The following PTPRJ variants were observed in gnomAD, a reference collection of about 807,000 sequenced individuals.
PTPRJ encodes receptor-type tyrosine-protein phosphatase eta.
A neutral mutation model predicts 141.3 loss-of-function variants in PTPRJ; 129 were observed. The observed-to-expected ratio is 0.91, with a 90% confidence interval of 0.79 to 1.06. PTPRJ has a LOEUF of 1.06. Among genes scored for constraint, PTPRJ ranks in the 50% least tolerant of loss-of-function variants. The pLI is 0.00. For missense variants in PTPRJ, 1,601 were observed against 1,679.7 expected (o/e 0.95, Z 0.82); for synonymous variants, 610 against 640.5 (o/e 0.95, Z 0.72).
At chr11:48,074,440 T>C (rs887431076) in intron 1 of PTPRJ, among the ~76,000 whole-genome samples, 1 of 152,182 alleles carries the variant, frequency 6.6e-6, no homozygotes, top group African/African-American at 2.4e-5. Context: ...AGACCCAAAT[T>C]AATAGACAGT....
At chr11:48,075,815 T>G (rs7110054) in intron 1 of PTPRJ, among the ~76,000 whole-genome samples, 149,231 of 152,282 alleles carry the variant, frequency 0.98, 73,205 homozygotes, top group East Asian at 1. Context: ...TTACCTTGCC[T>G]TTCCGCACCT....
At chr11:48,125,850 G>A (rs1856816618) in intron 6 of PTPRJ, among the ~76,000 whole-genome samples, 2 of 152,184 alleles carry the variant, frequency 1.3e-5, no homozygotes, top group South Asian at 4.2e-4. Flanking sequence ...CATGTTGAAG[G>A]AGGGTCCATT....
intron 24 of PTPRJ, among the ~76,000 whole-genome samples, chr11:48,165,674 C>T (rs1354295165): frequency 6.6e-6 from 1 of 152,104 alleles, no homozygotes; most frequent in Non-Finnish European, 1.5e-5. Context: ...TGAAATTCAA[C>T]TCCTGTGTTG....
At chr11:47,981,517 G>C (rs925712264) in intron 1 of PTPRJ, among the ~76,000 whole-genome samples, 1 of 152,226 alleles carries the variant, frequency 6.6e-6, no homozygotes. Flanking sequence ...GCGAGGCGCG[G>C]GACTCCGGGC....
rs1438061176 is a variant in PTPRJ, at chr11:48,150,096, A to G, written c.3051A>G (p.Lys1017=). 2 of 1,613,216 alleles carry G rather than the reference A, an allele frequency of 1.2e-6. No homozygotes were observed. The change falls in exon 18 of 25, where the codon AAA becomes AAG. Residue 1017 remains lysine, a splice_region_variant and synonymous_variant. Transcript: ENST00000418331. ...ATCCTGATAAGTTTTGTTTTCTTAG[A>G]TCTAAGTTAATCAGAGTGGAGAATT... ...EVSFSQIKPK[K]SKLIRVENFE...
chr11:48,029,513 G>A (rs1026539204), intron 1 of PTPRJ, among the ~76,000 whole-genome samples: 1 of 152,106 alleles, frequency 6.6e-6, no homozygotes, highest in East Asian at 1.9e-4. Flanking sequence ...CTTCAAACCC[G>A]CATCTCTTAT....
intron 1 of PTPRJ, among the ~76,000 whole-genome samples, chr11:48,062,143 C>T (rs1408179258): frequency 5.3e-5 from 8 of 151,408 alleles, no homozygotes; most frequent in Non-Finnish European, 1.5e-5. Flanking sequence ...AAGTGATCTG[C>T]CTGCCTCGGC....
At chr11:48,160,510 A>G (rs993515002) in intron 22 of PTPRJ, among the ~76,000 whole-genome samples, 2 of 152,356 alleles carry the variant, frequency 1.3e-5, no homozygotes, top group South Asian at 4.1e-4. Context: ...TACAAAAGCA[A>G]ATCCAATTAA....
intron 1 of PTPRJ, among the ~76,000 whole-genome samples, chr11:48,076,785 CAAAA>C (rs754092531): frequency 1.1e-5 from 1 of 92,276 alleles, no homozygotes. Context: ...AGTGAAGTTC[CAAAA>C]AAAAAAAAAA....
chr11:48,042,203 T>C (rs376317259), intron 1 of PTPRJ, among the ~76,000 whole-genome samples: 25 of 152,254 alleles, frequency 1.6e-4, no homozygotes, highest in African/African-American at 6.0e-4. Flanking sequence ...GGAGTTATGT[T>C]ATAAGGGGTC....
At position 48,168,586 on chromosome 11, in the gene PTPRJ, T is replaced by A. The variant is rs115355320; in HGVS notation, c.*1224T>A. ...TATATATATATATATATATATACAC[T>A]AAGCTCTCAAAAACAGTCATTCCTA... On this transcript the variant is annotated 3_prime_UTR_variant, in exon 25 of 25. Transcript: ENST00000418331. The A allele has an allele frequency of 9.3e-3, 877 of 93,846 alleles. 36 individuals are homozygous for A. Among genetic ancestry groups the A allele is most frequent in the African/African-American group, 0.037 (836 of 22,800 alleles). 5.8% of individuals were successfully genotyped at this position (93,846 alleles called of 1,614,324 possible). A position where few individuals can be genotyped will look rare whatever the true frequency, so the allele number is the denominator to read the frequency against.
chr11:48,061,407 GA>G (rs1352427734), intron 1 of PTPRJ, among the ~76,000 whole-genome samples: 1 of 152,230 alleles, frequency 6.6e-6, no homozygotes, highest in Non-Finnish European at 1.5e-5. Flanking sequence ...CTCTATGGGG[GA>G]TTGACTCTGG....
intron 1 of PTPRJ, among the ~76,000 whole-genome samples, chr11:48,102,472 G>A (rs763353970): frequency 3.3e-5 from 5 of 151,962 alleles, no homozygotes; most frequent in Admixed American, 6.6e-5. Context: ...ACAGTGGTGC[G>A]ATCTTGGCTC....
chr11:47,987,163 A>G (rs1419354905), intron 1 of PTPRJ, among the ~76,000 whole-genome samples: 2 of 152,038 alleles, frequency 1.3e-5, no homozygotes, highest in Non-Finnish European at 2.9e-5. Context: ...GAACCTTGAT[A>G]GCGCCACTGC....
chr11:48,067,295 G>A (rs1226637566), intron 1 of PTPRJ, among the ~76,000 whole-genome samples: 1 of 152,180 alleles, frequency 6.6e-6, no homozygotes, highest in Non-Finnish European at 1.5e-5. Flanking sequence ...ACACCATTCT[G>A]CGGACAATGG....
chr11:48,131,661 G>A, intron 8 of PTPRJ: 1 of 591,630 alleles, frequency 1.7e-6, no homozygotes, highest in Non-Finnish European at 3.1e-6. Context: ...TACTGTCTAT[G>A]GCTACTTTGG....
chr11:48,153,837 A>C lies in PTPRJ; in HGVS notation c.3180A>C (p.Ala1060=), dbSNP rs531499540. The change falls in exon 19 of 25, where the codon GCA becomes GCC. Residue 1060 remains alanine (A), a synonymous_variant. Transcript: ENST00000418331. ...LVGISQPKYA[A]ELAENRGKNR... ...GAATTAGTCAACCTAAATATGCAGC[A>C]GAACTGGCTGAGAATAGAGGAAAGA... 8 of 1,613,974 alleles carry C rather than the reference A, an allele frequency of 5.0e-6. No homozygotes were observed. The South Asian group carries it at 8.8e-5, about 18-fold the overall frequency.
chr11:48,120,136 G>A (rs1237174488), intron 3 of PTPRJ, among the ~76,000 whole-genome samples: 5 of 152,224 alleles, frequency 3.3e-5, no homozygotes, highest in African/African-American at 9.6e-5. Context: ...ATAATTCTTC[G>A]TGTTTAGTGT....
At position 48,121,012 on chromosome 11, in the gene PTPRJ, C is replaced by G; in HGVS notation, c.362C>G (p.Pro121Arg). Residue 121 changes from proline to arginine, a missense_variant, in exon 4 of 25, where the codon CCT becomes CGT. By Grantham distance (103) the Pro-to-Arg change is moderately radical. Coordinates refer to ENST00000418331, the MANE Select transcript of PTPRJ (RefSeq NM_002843.4). Reference sequence around the variant, plus strand: ...TTTTTTAACAATATAGGGCCCAGTCCTGTGTTTGACATTAAAGCTGTTTCC... The same window carrying G: ...TTTTTTAACAATATAGGGCCCAGTCGTGTGTTTGACATTAAAGCTGTTTCC... ...QKTPSSTGPS[P>R]VFDIKAVSIS... The G allele has an allele frequency of 4.4e-6, 7 of 1,593,740 alleles. No homozygotes were observed. Among genetic ancestry groups the G allele is most frequent in the Non-Finnish European group, 6.0e-6 (7 of 1,169,854 alleles).
Sources: gnomAD v4.1 joint callset for allele counts (sites outside exome capture counted in the v4.1 genomes callset) on GRCh38, gnomAD v4.1.1 for gene constraint, MANE v1.5 for transcripts, NCBI Gene and HGNC (gene_info 2026-07-23, HGNC 2026-07-21) for gene names.